Variants in VWA5B1 observed in about 807,000 individuals in gnomAD.
VWA5B1 encodes von Willebrand factor A domain-containing protein 5B1.
A neutral mutation model predicts 118.2 loss-of-function variants in VWA5B1; 115 were observed. The ratio of observed to expected loss-of-function variants is 0.97; its 90% CI spans 0.84 to 1.14. The LOEUF is 1.14. VWA5B1 is among the 50% of genes most tolerant of loss of function. The pLI is 0.00. For missense variants in VWA5B1, 1,596 were observed against 1,603.8 expected (o/e 1.00, Z 0.08); for synonymous variants, 682 against 658.4 (o/e 1.04, Z -0.55).
rs965567999 is a variant in VWA5B1 at position 20,358,492 on chromosome 1, C to G, written c.*4229C>G. On this transcript the variant is annotated 3_prime_UTR_variant, in exon 22 of 22. Transcript: ENST00000289815. The stretch of plus-strand genomic sequence containing the variant: ...CCCTATCTGTGTACAGTCTGCCCCC[C>G]CACCCTGCAATTGCCTGCCCCATTG... 6.6e-6 allele frequency among the ~76,000 whole-genome samples: 1 copy of G among 152,166 alleles called. No individual in the cohort carries two copies. Among genetic ancestry groups the G allele is most frequent in the African/African-American group, 2.4e-5 (1 of 41,456 alleles).
Position 20,350,764 on chromosome 1 carries a change from C to T in VWA5B1, c.2954-93C>T, listed in dbSNP as rs41264541. 10,428 of 1,211,100 alleles carry T rather than the reference C, an allele frequency of 8.6e-3. 68 individuals are homozygous for T. Among genetic ancestry groups the T allele is most frequent in the Middle Eastern group, 0.011 (50 of 4,390 alleles). 75.0% of individuals were successfully genotyped at this position (1,211,100 alleles called of 1,614,324 possible). A position where few individuals can be genotyped will look rare whatever the true frequency, so the allele number is the denominator to read the frequency against. On this transcript the variant is annotated intron_variant, in intron 19 of 21. Transcript: ENST00000289815. ...CCCTAGGAACTTAGCTAAGCACCTG[C>T]CCCTCTCTAGGCCTCTGTTCCCCCA...
At chr1:20,312,403 T>C (rs2088875712) in intron 2 of VWA5B1, among the ~76,000 whole-genome samples, 1 of 152,224 alleles carries the variant, frequency 6.6e-6, no homozygotes, top group Non-Finnish European at 1.5e-5. Context: ...CTAAGTGTCT[T>C]ATCCAAGGTC....
intron 15 of VWA5B1, 144 bp from the exon 16 acceptor site, chr1:20,342,935 G>A: frequency 7.1e-7 from 1 of 1,398,912 alleles, no homozygotes; most frequent in Non-Finnish European, 9.5e-7. Context: ...TAGGAAAGCA[G>A]TTGGAGTTGC....
intron 1 of VWA5B1, among the ~76,000 whole-genome samples, chr1:20,303,960 G>A (rs373322708): frequency 1.9e-4 from 29 of 152,226 alleles, no homozygotes; most frequent in African/African-American, 6.3e-4. Context: ...CTTTCTGGCT[G>A]TGTGATGGCT....
In VWA5B1 at chr1:20,314,571, C is replaced by A. The variant is rs1448863957; in HGVS notation, c.542C>A (p.Thr181Asn). 4.5e-6 allele frequency: 7 copies of A among 1,551,538 alleles called. No individual in the cohort carries two copies. The highest frequency in any genetic ancestry group is 6.1e-6 in the Non-Finnish European group (7 of 1,147,002). Residue 181 changes from threonine (T) to asparagine (N), a missense_variant, in exon 4 of 22, where the codon ACC becomes AAC. Physicochemically the swap from Thr to Asn is moderately conservative, Grantham distance 65 (BLOSUM62 0). Coordinates refer to ENST00000289815, the MANE Select transcript of VWA5B1 (RefSeq NM_001039500.3). ...VPQFCTKSTG[T>N]SNQQAQGKDR... is the part of the protein sequence containing the mutation. ...CAGTTCTGCACCAAGAGCACTGGCA[C>A]CTCCAACCAACAGGCCCAGGGGTAA...
chr1:20,357,545 G>A lies in VWA5B1; in HGVS notation c.*3282G>A, dbSNP rs746192898. Among the ~76,000 whole-genome samples, 6 of 152,188 alleles carry A rather than the reference G, an allele frequency of 3.9e-5. No homozygotes were observed. Among genetic ancestry groups the A allele is most frequent in the African/African-American group, 9.7e-5 (4 of 41,436 alleles). ...TCTAGATCTCTCTTAGGGCTCCTGC[G>A]GCACTGGCGTTCAGAAAGCCTTTAC... On this transcript the variant is annotated 3_prime_UTR_variant, in exon 22 of 22. Coordinates refer to ENST00000289815, the MANE Select transcript of VWA5B1 (RefSeq NM_001039500.3).
At chr1:20,307,718 G>A (rs752913295) in intron 1 of VWA5B1, among the ~76,000 whole-genome samples, 2 of 152,026 alleles carry the variant, frequency 1.3e-5, no homozygotes, top group Non-Finnish European at 2.9e-5. Flanking sequence ...TACAGTAGGT[G>A]CTTATCAATG....
intron 1 of VWA5B1, among the ~76,000 whole-genome samples, chr1:20,308,281 A>G (rs995875986): frequency 6.6e-6 from 1 of 152,146 alleles, no homozygotes; most frequent in Non-Finnish European, 1.5e-5. Context: ...TTATCAGATG[A>G]GATGTCCCTC....
At chr1:20,310,249 G>T (rs1351194795) in intron 1 of VWA5B1, among the ~76,000 whole-genome samples, 1 of 152,262 alleles carries the variant, frequency 6.6e-6, no homozygotes, top group Admixed American at 6.5e-5. Context: ...CGCGTGGTCT[G>T]TTGGGGAGAA....
intron 7 of VWA5B1, among the ~76,000 whole-genome samples, chr1:20,322,668 C>G (rs2100889241): frequency 6.6e-6 from 1 of 152,342 alleles, no homozygotes; most frequent in East Asian, 1.9e-4. Flanking sequence ...GGACCAACAA[C>G]AGCAGCACCA....
intron 5 of VWA5B1, 74 bp downstream of exon 5, chr1:20,317,749 G>GCC: frequency 7.8e-7 from 1 of 1,288,622 alleles, no homozygotes; most frequent in Non-Finnish European, 1.1e-6. Context: ...ATGGGACGGG[G>GCC]GTGGGAAGGA....
At chr1:20,336,235 G>C (rs1570178351) in intron 12 of VWA5B1, 68 bp from the exon 13 acceptor site, 4 of 1,269,376 alleles carry the variant, frequency 3.2e-6, no homozygotes, top group East Asian at 3.0e-5. Flanking sequence ...CACACCCCTT[G>C]CTCCCTGCGG....
At position 20,358,889 on chromosome 1, in the gene VWA5B1, A is replaced by G. The variant is rs2090275061; in HGVS notation, c.*4626A>G. On this transcript the variant is annotated 3_prime_UTR_variant, in exon 22 of 22. Coordinates refer to ENST00000289815, the MANE Select transcript of VWA5B1 (RefSeq NM_001039500.3). The stretch of plus-strand genomic sequence containing the variant: ...TGCAGCTGGGTAATCTGATCCGCAG[A>G]GATCTGTCCAAGGTCAGGGGCTTGG... Among the ~76,000 whole-genome samples, 1 of 152,204 alleles carries G rather than the reference A, an allele frequency of 6.6e-6. No individual in the cohort carries two copies. The highest frequency in any genetic ancestry group is 2.4e-5 in the African/African-American group (1 of 41,458).
chr1:20,334,317 G>A (rs533660924), intron 12 of VWA5B1, among the ~76,000 whole-genome samples: 3 of 152,310 alleles, frequency 2.0e-5, no homozygotes, highest in South Asian at 4.1e-4. Flanking sequence ...TTCCTGGGAG[G>A]TCTAGAAGGC....
intron 4 of VWA5B1, among the ~76,000 whole-genome samples, chr1:20,316,171 T>C (rs565408162): frequency 6.6e-6 from 1 of 152,266 alleles, no homozygotes; most frequent in Non-Finnish European, 1.5e-5. Context: ...GGGATGCTTG[T>C]TCACTGCTAA....
intron 11 of VWA5B1, 105 bp from the exon 12 acceptor site, chr1:20,332,661 C>A: frequency 8.0e-7 from 1 of 1,247,372 alleles, no homozygotes; most frequent in South Asian, 1.5e-5. Context: ...GGCCTACTGT[C>A]CCCTCTTCCC....
intron 1 of VWA5B1, among the ~76,000 whole-genome samples, chr1:20,291,347 T>C (rs1433911635): frequency 7.9e-5 from 9 of 113,394 alleles, no homozygotes; most frequent in African/African-American, 3.0e-4. Flanking sequence ...CTCTCTTTCT[T>C]TCTTTCTTTC....
At chr1:20,311,546 A>G (rs528333915) in intron 2 of VWA5B1, among the ~76,000 whole-genome samples, 137 of 152,350 alleles carry the variant, frequency 9.0e-4, no homozygotes, top group African/African-American at 3.2e-3. Context: ...ATCTGTGAAT[A>G]TGAACCACGG....
intron 1 of VWA5B1, among the ~76,000 whole-genome samples, chr1:20,308,505 AG>A (rs1303429162): frequency 3.3e-5 from 5 of 151,878 alleles, no homozygotes; most frequent in African/African-American, 1.2e-4. Flanking sequence ...GAACATTGGG[AG>A]GGGGGATGTG....
Sources: gnomAD v4.1 joint callset for allele counts (sites outside exome capture counted in the v4.1 genomes callset) on GRCh38, gnomAD v4.1.1 for gene constraint, MANE v1.5 for transcripts, NCBI Gene and HGNC (gene_info 2026-07-23, HGNC 2026-07-21) for gene names.